The following PROM1 variants were observed in gnomAD, a reference collection of about 807,000 sequenced individuals.
The protein encoded by PROM1 is prominin 1.
PROM1 carries 105 observed loss-of-function variants against 116.9 expected under a neutral mutation model. The ratio of observed to expected loss-of-function variants is 0.90; its 90% confidence interval spans 0.77 to 1.06. PROM1 has a LOEUF of 1.06. Ranked by LOEUF, PROM1 falls within the 50% of genes least tolerant of loss-of-function variation. PROM1 has a pLI of 0.00. For synonymous variants in PROM1, 393 were observed against 387.0 expected (o/e 1.02, Z -0.18); for missense variants, 1,122 against 1,045.2 (o/e 1.07, Z -1.01).
intron 13 of PROM1, among the ~76,000 whole-genome samples, chr4:16,002,399 C>T (rs988421859): frequency 1.5e-4 from 23 of 152,078 alleles, no homozygotes; most frequent in Admixed American, 7.2e-4. Context: ...ACTCTTAAAT[C>T]GATCTAGGTG....
intron 2 of PROM1, among the ~76,000 whole-genome samples, chr4:16,061,888 CTTTTTTTT>C (rs34310500): frequency 5.8e-5 from 5 of 85,730 alleles, no homozygotes; most frequent in Admixed American, 5.3e-4. Context: ...TACAAATTTC[CTTTTTTTT>C]TTTTTTTTTT....
chr4:16,057,238 G>A (rs549044359), intron 2 of PROM1, among the ~76,000 whole-genome samples: 8 of 152,306 alleles, frequency 5.3e-5, no homozygotes, highest in Admixed American at 2.0e-4. Context: ...CCTTCTGGAA[G>A]CCTGCTGTCC....
chr4:15,973,872 A>G (rs1182916626), intron 26 of PROM1, among the ~76,000 whole-genome samples: 1 of 152,156 alleles, frequency 6.6e-6, no homozygotes, highest in East Asian at 1.9e-4. Flanking sequence ...TCTGCAAAAG[A>G]CAGACAACAA....
intron 12 of PROM1, among the ~76,000 whole-genome samples, chr4:16,008,478 T>A (rs1399551595): frequency 6.6e-6 from 1 of 152,264 alleles, no homozygotes; most frequent in Non-Finnish European, 1.5e-5. Context: ...ATATTTATTT[T>A]ATAAACCAAT....
intron 15 of PROM1, 128 bp downstream of exon 15, chr4:15,998,257 T>C: frequency 3.7e-6 from 5 of 1,352,288 alleles, no homozygotes; most frequent in South Asian, 1.6e-5. Context: ...TTTAAAATAA[T>C]ACAGGACAGC....
At position 16,019,871 on chromosome 4, in the gene PROM1, TACAC is replaced by T. The variant is rs3040447; in HGVS notation, c.785-1335_785-1332del. ...ACAGAAAATACTTGAGTGTTAAAAA[TACAC>T]ACACACACACACACACACACACATT... On this transcript the variant is annotated intron_variant, in intron 8 of 27. Coordinates refer to ENST00000447510, the MANE Select transcript of PROM1 (RefSeq NM_006017.3). Among the ~76,000 whole-genome samples, 500 of 148,162 alleles carry T rather than the reference TACAC, an allele frequency of 3.4e-3. 2 individuals are homozygous for T. The highest frequency in any genetic ancestry group is 0.012 in the African/African-American group (465 of 40,098).
chr4:16,073,449 T>C (rs1743257214), intron 2 of PROM1, among the ~76,000 whole-genome samples: 1 of 152,186 alleles, frequency 6.6e-6, no homozygotes, highest in Non-Finnish European at 1.5e-5. Flanking sequence ...CTTATATGTG[T>C]CCTCTACATT....
At chr4:16,004,827 C>CTTTCT (rs369019851) in intron 13 of PROM1, among the ~76,000 whole-genome samples, 39 of 123,780 alleles carry the variant, frequency 3.2e-4, no homozygotes, top group Middle Eastern at 4.2e-3. Context: ...TTCTTTCTTT[C>CTTTCT]TTTTTCTTCC....
chr4:15,974,708 T>A (rs981881255), intron 26 of PROM1, among the ~76,000 whole-genome samples: 8 of 152,308 alleles, frequency 5.3e-5, no homozygotes, highest in Admixed American at 4.6e-4. Context: ...TGGGCTCAAG[T>A]GATCCTCTGT....
At chr4:16,057,236 A>G (rs1290840879) in intron 2 of PROM1, among the ~76,000 whole-genome samples, 1 of 152,224 alleles carries the variant, frequency 6.6e-6, no homozygotes, top group African/African-American at 2.4e-5. Flanking sequence ...ACCCTTCTGG[A>G]AGCCTGCTGT....
intron 2 of PROM1, among the ~76,000 whole-genome samples, chr4:16,046,356 GGCCC>G (rs1345141946): frequency 6.6e-6 from 1 of 152,214 alleles, no homozygotes; most frequent in Non-Finnish European, 1.5e-5. Context: ...CATTGGGCTA[GGCCC>G]GCTGGGTTTT....
At chr4:16,012,309 C>T (rs1335855792) in intron 11 of PROM1, among the ~76,000 whole-genome samples, 2 of 152,134 alleles carry the variant, frequency 1.3e-5, no homozygotes, top group African/African-American at 4.8e-5. Context: ...GAGATTTCTT[C>T]TCCAAGCAAA....
chr4:16,016,803 C>T (rs575421659), intron 9 of PROM1, among the ~76,000 whole-genome samples: 2 of 152,106 alleles, frequency 1.3e-5, no homozygotes, highest in Non-Finnish European at 2.9e-5. Flanking sequence ...AAACTGAAGA[C>T]CATTCTACAA....
intron 5 of PROM1, among the ~76,000 whole-genome samples, chr4:16,029,506 G>A (rs544730549): frequency 6.3e-4 from 96 of 152,222 alleles, no homozygotes; most frequent in African/African-American, 2.2e-3. Flanking sequence ...ATCTTGTGCT[G>A]ATGGTCAAAC....
intron 2 of PROM1, among the ~76,000 whole-genome samples, chr4:16,072,690 T>C (rs573640283): frequency 7.4e-4 from 112 of 152,184 alleles, no homozygotes; most frequent in Non-Finnish European, 1.4e-3. Flanking sequence ...GCCACAAGAT[T>C]AGAAATTATG....
At chr4:16,068,416 A>T (rs1335955963) in intron 2 of PROM1, among the ~76,000 whole-genome samples, 3 of 152,246 alleles carry the variant, frequency 2.0e-5, no homozygotes, top group African/African-American at 7.2e-5. Flanking sequence ...TGCTATTGGC[A>T]TGATAATGAA....
At chr4:16,037,027 C>CAAATCT (rs1406197375) in intron 3 of PROM1, among the ~76,000 whole-genome samples, 3 of 152,096 alleles carry the variant, frequency 2.0e-5, no homozygotes, top group Non-Finnish European at 4.4e-5. Flanking sequence ...ATGGGAGTGC[C>CAAATCT]AAATCTAATA....
intron 8 of PROM1, among the ~76,000 whole-genome samples, chr4:16,019,513 C>T (rs748371122): frequency 2.6e-5 from 4 of 152,116 alleles, no homozygotes; most frequent in Non-Finnish European, 4.4e-5. Context: ...TAACCCCCAT[C>T]GTGTATTTGG....
chr4:16,023,443 G>T, intron 7 of PROM1, 28 bp from the exon 8 acceptor site: 2 of 1,528,264 alleles, frequency 1.3e-6, no homozygotes, highest in Non-Finnish European at 1.8e-6. Flanking sequence ...CAAAGATGGT[G>T]AGGGTGGCCT....
Sources: gnomAD v4.1 joint callset for allele counts (sites outside exome capture counted in the v4.1 genomes callset) on GRCh38, gnomAD v4.1.1 for gene constraint, MANE v1.5 for transcripts, NCBI Gene and HGNC (gene_info 2026-07-23, HGNC 2026-07-21) for gene names.